Variants in SESN1 observed in about 807,000 individuals in gnomAD.
SESN1 encodes sestrin 1.
A neutral mutation model predicts 59.3 loss-of-function variants in SESN1; 30 were observed. That is an observed-to-expected ratio of 0.51 (90% CI 0.38 to 0.69). SESN1 has a LOEUF of 0.69. Ranked by LOEUF, SESN1 falls within the 30% of genes least tolerant of loss-of-function variation. The probability of loss-of-function intolerance (pLI) is 0.00; values close to 1 mark genes in which losing one functional copy is unlikely to be tolerated. For synonymous variants in SESN1, 197 were observed against 219.9 expected, an observed-to-expected ratio of 0.90 and a Z score of 0.92; for missense variants, 566 against 673.0, an observed-to-expected ratio of 0.84 and a Z score of 1.76.
At chr6:109,022,487 A>G (rs565901309) in intron 1 of SESN1, among the ~76,000 whole-genome samples, 2 of 122,290 alleles carry the variant, frequency 1.6e-5, no homozygotes, top group South Asian at 5.2e-4. Context: ...CAGTGGCGCG[A>G]TCTCGGCTCA....
chr6:109,027,476 C>CA (rs57225616), intron 1 of SESN1, among the ~76,000 whole-genome samples: 1,807 of 27,218 alleles, frequency 0.066, 290 homozygotes, highest in African/African-American at 0.14. Flanking sequence ...GACTCTGTCT[C>CA]AAAAAAAAAA....
intron 1 of SESN1, among the ~76,000 whole-genome samples, chr6:109,087,467 G>T (rs1161379757): frequency 1.3e-5 from 2 of 152,166 alleles, no homozygotes; most frequent in African/African-American, 2.4e-5. Context: ...AGTGGTCAAA[G>T]ACACGAATGA....
At chr6:109,077,411 T>C (rs1781049631) in intron 1 of SESN1, among the ~76,000 whole-genome samples, 1 of 152,210 alleles carries the variant, frequency 6.6e-6, no homozygotes, top group Non-Finnish European at 1.5e-5. Flanking sequence ...TCCTCATCTA[T>C]AAAAACTAAA....
chr6:109,028,476 T>A (rs1780130941), intron 1 of SESN1, among the ~76,000 whole-genome samples: 1 of 152,212 alleles, frequency 6.6e-6, no homozygotes, highest in Non-Finnish European at 1.5e-5. Context: ...CATGTATGTA[T>A]GTTAAATTAA....
At chr6:109,047,369 A>G (rs1780467438) in intron 1 of SESN1, among the ~76,000 whole-genome samples, 9 of 133,130 alleles carry the variant, frequency 6.8e-5, no homozygotes, top group South Asian at 5.4e-4. Flanking sequence ...CTGCCCGGCC[A>G]GCCGCCCCGT....
chr6:109,003,091 G>C (rs1779661557), intron 1 of SESN1, among the ~76,000 whole-genome samples: 1 of 152,080 alleles, frequency 6.6e-6, no homozygotes, highest in East Asian at 1.9e-4. Context: ...CTGAAAATCT[G>C]TTAGGGTTTC....
intron 1 of SESN1, among the ~76,000 whole-genome samples, chr6:109,035,628 T>C (rs1249636000): frequency 6.6e-6 from 1 of 152,138 alleles, no homozygotes; most frequent in Non-Finnish European, 1.5e-5. Flanking sequence ...TCTGTCACTT[T>C]TTTTGAGAAG....
At chr6:108,989,594 T>A (rs576707479) in intron 8 of SESN1, among the ~76,000 whole-genome samples, 2 of 143,152 alleles carry the variant, frequency 1.4e-5, no homozygotes, top group Non-Finnish European at 3.1e-5. Flanking sequence ...TAGAGAGAGA[T>A]AGAGAGAGAT....
intron 1 of SESN1, among the ~76,000 whole-genome samples, chr6:109,064,595 G>T: frequency 2.2e-4 from 1 of 4,618 alleles, no homozygotes; most frequent in African/African-American, 1.9e-3. Context: ...GAGGAGAGGG[G>T]AGGGGAGGGG....
intron 1 of SESN1, among the ~76,000 whole-genome samples, chr6:109,047,654 G>A (rs1156553538): frequency 1.4e-5 from 2 of 146,284 alleles, no homozygotes; most frequent in African/African-American, 5.0e-5. Flanking sequence ...GAATAGAAAG[G>A]GGGGAAAGGT....
intron 1 of SESN1, among the ~76,000 whole-genome samples, chr6:109,052,848 G>C (rs1287662608): frequency 6.6e-6 from 1 of 152,098 alleles, no homozygotes; most frequent in Non-Finnish European, 1.5e-5. Context: ...ATTTATTGTT[G>C]ACTTAATCCA....
At chr6:109,048,800 T>C (rs11757590) in intron 1 of SESN1, among the ~76,000 whole-genome samples, 15,201 of 152,248 alleles carry the variant, frequency 0.1, 910 homozygotes, top group Middle Eastern at 0.19. Flanking sequence ...TCCAGGAAGA[T>C]ACATCACAAT....
intron 1 of SESN1, among the ~76,000 whole-genome samples, chr6:109,083,120 C>A (rs1377112782): frequency 1.3e-5 from 2 of 152,136 alleles, no homozygotes. Flanking sequence ...TTACCAATGT[C>A]ATCTCTTAAT....
intron 1 of SESN1, among the ~76,000 whole-genome samples, chr6:109,074,849 C>G (rs1040058318): frequency 6.6e-6 from 1 of 152,194 alleles, no homozygotes; most frequent in African/African-American, 2.4e-5. Flanking sequence ...ACCTTTTGGA[C>G]AAATGCTGTT....
chr6:109,007,214 C>T (rs529002988), intron 1 of SESN1, among the ~76,000 whole-genome samples: 192 of 152,226 alleles, frequency 1.3e-3, no homozygotes, highest in African/African-American at 4.4e-3. Flanking sequence ...GACAGTAGTA[C>T]CACAGAAAGA....
intron 1 of SESN1, among the ~76,000 whole-genome samples, chr6:109,035,154 C>T (rs1034768937): frequency 6.6e-5 from 10 of 152,042 alleles, no homozygotes; most frequent in African/African-American, 2.4e-4. Context: ...GTCTTTTACC[C>T]CCAACCACTC....
intron 1 of SESN1, among the ~76,000 whole-genome samples, chr6:109,091,739 A>C (rs1781320772): frequency 6.6e-6 from 1 of 152,200 alleles, no homozygotes; most frequent in Admixed American, 6.5e-5. Context: ...ATGATGTCAA[A>C]ATTGTTACCA....
At chr6:108,990,141 A>G (rs2114259716) in intron 8 of SESN1, among the ~76,000 whole-genome samples, 1 of 152,334 alleles carries the variant, frequency 6.6e-6, no homozygotes, top group East Asian at 1.9e-4. Flanking sequence ...CAATGACTGC[A>G]TTTTCAATGT....
intron 1 of SESN1, among the ~76,000 whole-genome samples, chr6:109,025,660 A>G (rs1023032949): frequency 6.6e-6 from 1 of 151,888 alleles, no homozygotes; most frequent in African/African-American, 2.4e-5. Context: ...AGATTTGAAA[A>G]TGAATGAAAT....
Sources: gnomAD v4.1 joint callset for allele counts (sites outside exome capture counted in the v4.1 genomes callset) on GRCh38, gnomAD v4.1.1 for gene constraint, MANE v1.5 for transcripts, NCBI Gene and HGNC (gene_info 2026-07-23, HGNC 2026-07-21) for gene names.